IL7: variants seen among roughly 807,000 people sequenced by gnomAD.
IL7 encodes the protein interleukin-7.
A neutral mutation model predicts 21.6 loss-of-function variants in IL7; 3 were observed. That is an observed-to-expected ratio of 0.14 (90% confidence interval 0.06 to 0.36). IL7 has a LOEUF of 0.36. IL7 is among the 10% of genes least tolerant of loss of function. IL7 has a pLI of 1.00. For synonymous variants in IL7, 62 were observed against 68.1 expected (o/e 0.91, Z 0.44); for missense variants, 175 against 200.2 (o/e 0.87, Z 0.76).
chr8:78,777,433 C>T (rs1813168258), intron 2 of IL7, among the ~76,000 whole-genome samples: 1 of 152,026 alleles, frequency 6.6e-6, no homozygotes, highest in South Asian at 2.1e-4. Flanking sequence ...CATTAGCATT[C>T]ATCTCATTGC....
At chr8:78,772,492 C>T (rs1196084223) in intron 2 of IL7, among the ~76,000 whole-genome samples, 1 of 152,130 alleles carries the variant, frequency 6.6e-6, no homozygotes, top group Non-Finnish European at 1.5e-5. Context: ...AGTAAGACTA[C>T]TTTTGACTTG....
At chr8:78,794,135 G>A (rs895236514) in intron 2 of IL7, among the ~76,000 whole-genome samples, 28 of 152,076 alleles carry the variant, frequency 1.8e-4, no homozygotes, top group African/African-American at 6.8e-4. Flanking sequence ...TCCTGTTAAT[G>A]TGGATATTTT....
intron 2 of IL7, among the ~76,000 whole-genome samples, chr8:78,786,922 GT>G (rs1287651767): frequency 1.3e-5 from 2 of 152,100 alleles, no homozygotes; most frequent in African/African-American, 4.8e-5. Flanking sequence ...GGGGCTGAAG[GT>G]TATGTTGATC....
downstream of IL7, among the ~76,000 whole-genome samples, chr8:78,716,513 TTAAA>T (rs2130619112): frequency 6.6e-6 from 1 of 152,184 alleles, no homozygotes; most frequent in South Asian, 2.1e-4. Context: ...TTTAATATCA[TTAAA>T]TAATAAAACT....
intron 2 of IL7, among the ~76,000 whole-genome samples, chr8:78,778,541 C>T (rs967835585): frequency 4.6e-5 from 7 of 152,254 alleles, no homozygotes; most frequent in Admixed American, 2.0e-4. Context: ...TGTCAAAGAT[C>T]GGATGGCTGT....
chr8:78,796,632 T>C (rs1813862406), intron 2 of IL7, among the ~76,000 whole-genome samples: 1 of 151,890 alleles, frequency 6.6e-6, no homozygotes, highest in South Asian at 2.1e-4. Flanking sequence ...GATATACAAA[T>C]GGCAAAAAGT....
In IL7 at chr8:78,765,733, G is replaced by A. The variant is rs147736370; in HGVS notation, c.148-25651C>T. Among the ~76,000 whole-genome samples the A allele has an allele frequency of 8.9e-3, 1,350 of 152,208 alleles. 15 individuals carry two copies. The highest frequency in any genetic ancestry group is 0.031 in the African/African-American group (1,274 of 41,540). ...AAGAATTCTCATTCATTGCTGATGG[G>A]AAGGTAAACAGTACAGCCACTTTGA... On this transcript the variant is annotated intron_variant, in intron 2 of 5. Transcript: ENST00000263851.
At chr8:78,738,091 T>C (rs1242152137) in intron 4 of IL7, among the ~76,000 whole-genome samples, 1 of 152,160 alleles carries the variant, frequency 6.6e-6, no homozygotes, top group Non-Finnish European at 1.5e-5. Context: ...TATGTCTAGT[T>C]TAAGCCTATA....
At chr8:78,762,114 CT>C (rs1331899058) in intron 2 of IL7, 3 of 1,597,026 alleles carry the variant, frequency 1.9e-6, no homozygotes, top group Non-Finnish European at 2.6e-6. Context: ...TCACTCAGTT[CT>C]TTTATTCGTT....
downstream of IL7, chr8:78,675,711 A>G: frequency 7.5e-7 from 1 of 1,328,842 alleles, no homozygotes; most frequent in Admixed American, 2.1e-5. Context: ...CTATAAAACT[A>G]AGAGAAAACA....
intron 1 of IL7, among the ~76,000 whole-genome samples, chr8:78,800,045 T>C (rs1813999674): frequency 6.6e-6 from 1 of 152,152 alleles, no homozygotes; most frequent in Non-Finnish European, 1.5e-5. Context: ...TGGTACCCAA[T>C]AGGTAATTTT....
At chr8:78,797,508 A>G (rs374231039) in intron 2 of IL7, among the ~76,000 whole-genome samples, 2 of 152,094 alleles carry the variant, frequency 1.3e-5, no homozygotes, top group East Asian at 3.9e-4. Flanking sequence ...GGAATTTTCT[A>G]CTTTCTGCTC....
chr8:78,677,968 T>A (rs922050168), intron 4 of IL7, among the ~76,000 whole-genome samples: 2 of 152,114 alleles, frequency 1.3e-5, no homozygotes, highest in African/African-American at 4.8e-5. Flanking sequence ...TTTTAAACCA[T>A]ATAGGGTAAC....
Position 78,675,974 on chromosome 8 carries a change from T to C in IL7, n.404A>G, listed in dbSNP as rs1452821540. ...CGTGGAATAGTTTTTGAAGAGTTAA[T>C]GGGTACTATTCTTTGTTCAAGGGTC... On this transcript the variant is annotated non_coding_transcript_exon_variant, in exon 5 of 5. Coordinates refer to the IL7 transcript ENST00000523959. 15 of 870,242 alleles carry C rather than the reference T, an allele frequency of 1.7e-5. No homozygotes were observed. In the East Asian group the frequency reaches 2.8e-4, roughly 16 times the overall value. The allele number at this position is 870,242 out of a possible 1,614,324, so 53.9% of individuals were successfully genotyped here.
At chr8:78,691,266 T>C (rs762875427) in intron 3 of IL7, among the ~76,000 whole-genome samples, 5 of 141,566 alleles carry the variant, frequency 3.5e-5, no homozygotes, top group Admixed American at 6.8e-5. Context: ...TGCCAGCTTT[T>C]AATTCAAAAT....
intron 2 of IL7, among the ~76,000 whole-genome samples, chr8:78,786,794 A>G (rs2717537): frequency 0.28 from 43,248 of 151,992 alleles, 8,343 homozygotes; most frequent in African/African-American, 0.55. Context: ...GATGACTGGT[A>G]TCTGGCAGCC....
At chr8:78,691,345 T>C (rs1290914080) in intron 3 of IL7, among the ~76,000 whole-genome samples, 1 of 152,214 alleles carries the variant, frequency 6.6e-6, no homozygotes, top group Non-Finnish European at 1.5e-5. Flanking sequence ...TTGGCACTTT[T>C]ATCATTATAA....
downstream of IL7, chr8:78,715,162 T>G: frequency 6.8e-7 from 1 of 1,464,746 alleles, no homozygotes; most frequent in Non-Finnish European, 9.4e-7. Flanking sequence ...GAATAGGTAA[T>G]TTGAGAAATA....
intron 2 of IL7, among the ~76,000 whole-genome samples, chr8:78,790,825 G>A (rs1209678054): frequency 1.3e-5 from 2 of 150,730 alleles, no homozygotes; most frequent in African/African-American, 4.9e-5. Flanking sequence ...CAAATAAATG[G>A]AACAAAAATC....
Sources: gnomAD v4.1 joint callset for allele counts (sites outside exome capture counted in the v4.1 genomes callset) on GRCh38, gnomAD v4.1.1 for gene constraint, MANE v1.5 for transcripts, NCBI Gene and HGNC (gene_info 2026-07-23, HGNC 2026-07-21) for gene names.